Variants in PLOD2 observed in about 807,000 individuals in gnomAD.
PLOD2 encodes procollagen-lysine,2-oxoglutarate 5-dioxygenase 2.
A neutral mutation model predicts 101.0 loss-of-function variants in PLOD2; 65 were observed. The observed-to-expected ratio is 0.64, with a 90% CI of 0.53 to 0.79. The LOEUF (loss-of-function observed/expected upper bound fraction) is 0.79. Ranked by LOEUF, PLOD2 falls within the 30% of genes least tolerant of loss-of-function variation. The pLI is 0.00. For missense variants in PLOD2, 909 were observed against 914.6 expected (o/e 0.99, Z 0.08); for synonymous variants, 314 against 302.9 (o/e 1.04, Z -0.38).
chr3:146,137,722 G>T (rs1481779607), intron 1 of PLOD2, among the ~76,000 whole-genome samples: 1 of 152,158 alleles, frequency 6.6e-6, no homozygotes, highest in Admixed American at 6.5e-5. Context: ...TTTGTATGGG[G>T]AGCTCCTGGG....
chr3:146,143,725 A>T lies in PLOD2; in HGVS notation c.109+17156T>A, dbSNP rs186080852. Among the ~76,000 whole-genome samples the T allele has an allele frequency of 7.9e-5, 12 of 152,248 alleles. No homozygotes were observed. In the East Asian group the frequency reaches 1.9e-3, roughly 24 times the overall value. On this transcript the variant is annotated intron_variant, in intron 1 of 19. Coordinates refer to ENST00000282903, the MANE Select transcript of PLOD2 (RefSeq NM_182943.3). ...AGGCTAAAGGGGAAAATGGGGCTGA[A>T]ATCAGCCTGTACTACATTCACCAAC... is the stretch of plus-strand genomic sequence containing the variant.
At chr3:146,089,020 T>C (rs1368126221) in intron 8 of PLOD2, among the ~76,000 whole-genome samples, 1 of 151,674 alleles carries the variant, frequency 6.6e-6, no homozygotes. Flanking sequence ...TCCTTTAAAA[T>C]AGCCCTTGCA....
rs1936088422 is a variant in PLOD2, at chr3:146,070,560, T to G, written c.*157A>C. 1 of 557,468 alleles carries G rather than the reference T, an allele frequency of 1.8e-6. No individual in the cohort carries two copies. Among genetic ancestry groups the G allele is most frequent in the East Asian group, 2.9e-5 (1 of 34,392 alleles). The allele number at this position is 557,468 out of a possible 1,614,324, so 34.5% of individuals were successfully genotyped here. ...CAGACATTAAGAAATATCAAACAAT[T>G]TTTTATAAAAAGTTTTTCAAATGTT... is the stretch of plus-strand genomic sequence containing the variant. On this transcript the variant is annotated 3_prime_UTR_variant, in exon 20 of 20. Transcript: ENST00000282903.
intron 16 of PLOD2, 47 bp downstream of exon 16, chr3:146,073,240 G>T: frequency 2.6e-6 from 2 of 755,642 alleles, no homozygotes. Context: ...ATTTCTTCTG[G>T]AAAATAACAG....
intron 10 of PLOD2, 49 bp from the exon 11 acceptor site, chr3:146,085,322 T>G: frequency 1.1e-6 from 1 of 902,592 alleles, no homozygotes; most frequent in Non-Finnish European, 1.9e-6. Context: ...AATAAATATC[T>G]GCTGACTGAA....
At chr3:146,119,561 T>C (rs1375511498) in intron 3 of PLOD2, among the ~76,000 whole-genome samples, 2 of 152,100 alleles carry the variant, frequency 1.3e-5, no homozygotes, top group East Asian at 3.9e-4. Flanking sequence ...CATTTAACAT[T>C]AGGTATATCT....
intron 1 of PLOD2, among the ~76,000 whole-genome samples, chr3:146,136,161 A>C (rs374634419): frequency 1.3e-5 from 2 of 152,164 alleles, no homozygotes; most frequent in East Asian, 1.9e-4. Context: ...AATGCCTTCT[A>C]CATGTTGCAA....
chr3:146,084,579 G>T (rs547775342), intron 11 of PLOD2, among the ~76,000 whole-genome samples: 8 of 152,198 alleles, frequency 5.3e-5, no homozygotes, highest in Admixed American at 4.6e-4. Context: ...GTCTTAGCAG[G>T]AGTAGTAAAA....
chr3:146,115,327 C>T (rs1398447793), intron 3 of PLOD2, among the ~76,000 whole-genome samples: 1 of 152,106 alleles, frequency 6.6e-6, no homozygotes, highest in African/African-American at 2.4e-5. Context: ...TAAGATTCTA[C>T]CTGATGTGGT....
At position 146,076,709 on chromosome 3, in the gene PLOD2, ATAT is replaced by A. The variant is rs1044305094; in HGVS notation, c.1677+70_1677+72del. 2.4e-5 allele frequency: 19 copies of A among 788,304 alleles called. No homozygotes were observed. The African/African-American group carries it at 3.1e-4, about 13-fold the overall frequency. The allele number at this position is 788,304 out of a possible 1,614,324, so 48.8% of individuals were successfully genotyped here. ...TTTAAAAAGCCTCTAACCACATTTCATATTATTAACCAACTGATTTATAACCAC... is the reference window on the plus strand; with the variant it reads ...TTTAAAAAGCCTCTAACCACATTTCATATTAACCAACTGATTTATAACCAC... On this transcript the variant is annotated intron_variant, in intron 15 of 19. Transcript: ENST00000282903.
chr3:146,100,661 T>C (rs1937354324), intron 7 of PLOD2, among the ~76,000 whole-genome samples: 1 of 152,114 alleles, frequency 6.6e-6, no homozygotes, highest in South Asian at 2.1e-4. Context: ...GAAAGTAATG[T>C]AGTATTGCTG....
At chr3:146,087,393 G>A in intron 9 of PLOD2, among the ~76,000 whole-genome samples, 1 of 151,590 alleles carries the variant, frequency 6.6e-6, no homozygotes, top group African/African-American at 2.4e-5. Flanking sequence ...TGAAACCAGA[G>A]AGTAAAATAA....
rs771093244 is a variant in PLOD2, at chr3:146,104,243, T to C, written c.679+36A>G. 8 of 1,249,272 alleles carry C rather than the reference T, an allele frequency of 6.4e-6. No individual in the cohort carries two copies. The African/African-American group carries it at 1.0e-4, about 16-fold the overall frequency. 77.4% of individuals were successfully genotyped at this position (1,249,272 alleles called of 1,614,324 possible). Reference sequence around the variant, plus strand: ...ATAGTTGAAAACACAGGTGTTTGTTTGTATACGTAAGCAATCCGGTATTTA... The same window carrying C: ...ATAGTTGAAAACACAGGTGTTTGTTCGTATACGTAAGCAATCCGGTATTTA... On this transcript the variant is annotated intron_variant, in intron 6 of 19. Transcript: ENST00000282903.
intron 7 of PLOD2, among the ~76,000 whole-genome samples, chr3:146,101,253 C>A (rs542289621): frequency 9.9e-5 from 15 of 152,250 alleles, no homozygotes; most frequent in African/African-American, 3.6e-4. Flanking sequence ...ACTCAAATTA[C>A]CCAACAATGT....
chr3:146,160,804 G>A lies in PLOD2; in HGVS notation c.109+77C>T, dbSNP rs34803917. 0.12 allele frequency: 109,079 copies of A among 923,846 alleles called. 7,068 individuals are homozygous for A. Among genetic ancestry groups the A allele is most frequent in the Non-Finnish European group, 0.13 (77,517 of 582,034 alleles). 57.2% of individuals were successfully genotyped at this position (923,846 alleles called of 1,614,324 possible). ...CACTACTCACCTGGCCAGCCCCGCGGAAGGGCTGGTGGATGAATGAACTGC... is the reference window on the plus strand; with the variant it reads ...CACTACTCACCTGGCCAGCCCCGCGAAAGGGCTGGTGGATGAATGAACTGC... On this transcript the variant is annotated intron_variant, in intron 1 of 19. Transcript: ENST00000282903.
At chr3:146,108,578 T>A (rs1937575744) in intron 4 of PLOD2, among the ~76,000 whole-genome samples, 1 of 152,220 alleles carries the variant, frequency 6.6e-6, no homozygotes, top group Non-Finnish European at 1.5e-5. Context: ...TTCAAACTTT[T>A]ATTAAACATA....
chr3:146,124,042 T>C, intron 2 of PLOD2, 96 bp downstream of exon 2: 1 of 746,610 alleles, frequency 1.3e-6, no homozygotes, highest in Non-Finnish European at 2.4e-6. Context: ...CCAAATGCTA[T>C]CTTCCTTGTG....
Position 146,135,496 on chromosome 3 carries a change from A to G in PLOD2, c.110-11267T>C, listed in dbSNP as rs554553381. On this transcript the variant is annotated intron_variant, in intron 1 of 19. Coordinates refer to ENST00000282903, the MANE Select transcript of PLOD2 (RefSeq NM_182943.3). ...TTTTATGGAGTATATCCCAGAAAAT[A>G]CAAGAAACATTCTAGCATTCACCGT... Among the ~76,000 whole-genome samples the G allele has an allele frequency of 1.4e-3, 215 of 152,258 alleles. 2 individuals are homozygous for G. The highest frequency in any genetic ancestry group is 5.1e-3 in the African/African-American group (210 of 41,548).
At chr3:146,077,035 T>C in intron 14 of PLOD2, 140 bp from the exon 15 acceptor site, 1 of 1,301,624 alleles carries the variant, frequency 7.7e-7, no homozygotes, top group Non-Finnish European at 1.0e-6. Flanking sequence ...TCATATAAAA[T>C]GTGCATAGTT....
Sources: allele counts gnomAD v4.1 joint callset (sites outside exome capture counted in the v4.1 genomes callset), GRCh38; gene constraint gnomAD v4.1.1; transcripts MANE v1.5; gene names NCBI Gene and HGNC (gene_info 2026-07-23, HGNC 2026-07-21).